CPPED1: variants seen among roughly 807,000 people sequenced by gnomAD.
CPPED1 encodes calcineurin like phosphoesterase domain containing 1.
A neutral mutation model predicts 28.0 loss-of-function variants in CPPED1; 28 were observed. The ratio of observed to expected loss-of-function variants is 1.00; its 90% CI spans 0.74 to 1.37. CPPED1 has a LOEUF of 1.37. Ranked by LOEUF, CPPED1 falls within the 40% of genes most tolerant of loss-of-function variation. The pLI is 0.00. For synonymous variants in CPPED1, 198 were observed against 180.2 expected (o/e 1.10, Z -0.79); for missense variants, 504 against 416.5 (o/e 1.21, Z -1.83).
chr16:12,801,662 T>C (rs1285122640), intron 1 of CPPED1, among the ~76,000 whole-genome samples: 1 of 152,156 alleles, frequency 6.6e-6, no homozygotes, highest in Non-Finnish European at 1.5e-5. Context: ...AGAATGTTCA[T>C]AACAGCACTG....
intron 3 of CPPED1, among the ~76,000 whole-genome samples, chr16:12,685,327 G>A (rs1452561145): frequency 1.3e-5 from 2 of 152,146 alleles, no homozygotes; most frequent in Non-Finnish European, 2.9e-5. Context: ...GTGGCCACCT[G>A]TAATCCCAGC....
chr16:12,772,759 A>G (rs1032591692), intron 2 of CPPED1, among the ~76,000 whole-genome samples: 2 of 152,210 alleles, frequency 1.3e-5, no homozygotes, highest in African/African-American at 4.8e-5. Flanking sequence ...TATAAATCCC[A>G]AAGTATCAAC....
intron 2 of CPPED1, among the ~76,000 whole-genome samples, chr16:12,721,052 A>C (rs2080137365): frequency 6.6e-6 from 1 of 152,206 alleles, no homozygotes; most frequent in Non-Finnish European, 1.5e-5. Context: ...TTAGGATTTT[A>C]ATATACTACA....
intron 3 of CPPED1, among the ~76,000 whole-genome samples, chr16:12,674,884 G>C (rs1651004): frequency 0.9 from 136,625 of 151,880 alleles, 62,326 homozygotes; most frequent in Non-Finnish European, 0.95. Flanking sequence ...GCAGAGGTCT[G>C]GGGGGGAGCA....
intron 1 of CPPED1, among the ~76,000 whole-genome samples, chr16:12,803,068 G>C (rs184437207): frequency 2.6e-5 from 4 of 152,298 alleles, no homozygotes; most frequent in Admixed American, 1.3e-4. Context: ...AAATACTTTT[G>C]ATCTGTTTAC....
chr16:12,753,353 G>A (rs1479230383), intron 2 of CPPED1: 1 of 152,172 alleles, frequency 6.6e-6, no homozygotes, highest in Non-Finnish European at 1.5e-5. Flanking sequence ...TCATTCAAGA[G>A]CTGAGCTGTG....
chr16:12,793,495 C>G (rs1470834651), intron 1 of CPPED1, among the ~76,000 whole-genome samples: 1 of 152,188 alleles, frequency 6.6e-6, no homozygotes, highest in Non-Finnish European at 1.5e-5. Context: ...CTACCCTTTA[C>G]CAGCTACGTG....
intron 2 of CPPED1, among the ~76,000 whole-genome samples, chr16:12,756,944 T>C (rs1277205185): frequency 2.0e-5 from 3 of 152,222 alleles, no homozygotes; most frequent in Non-Finnish European, 2.9e-5. Context: ...TTCCACATCT[T>C]ACTTCTAAAA....
At chr16:12,713,529 C>A (rs2080090733) in intron 2 of CPPED1, among the ~76,000 whole-genome samples, 1 of 152,078 alleles carries the variant, frequency 6.6e-6, no homozygotes, top group Non-Finnish European at 1.5e-5. Flanking sequence ...CAACACCCAG[C>A]CAATTTTTGT....
chr16:12,765,461 A>G (rs981121172), intron 2 of CPPED1, among the ~76,000 whole-genome samples: 12 of 152,262 alleles, frequency 7.9e-5, no homozygotes, highest in Non-Finnish European at 1.5e-4. Flanking sequence ...ACTGTCTGAC[A>G]TAATAGGCAG....
At chr16:12,696,659 T>A (rs1468984552) in intron 3 of CPPED1, among the ~76,000 whole-genome samples, 2 of 152,030 alleles carry the variant, frequency 1.3e-5, no homozygotes, top group East Asian at 1.9e-4. Flanking sequence ...GCCAGGCTGG[T>A]CTCGAACTCC....
Position 12,660,497 on chromosome 16 carries a change from A to ATGTGTGTGTGTGTG in CPPED1, c.*4375_*4388dup, listed in dbSNP as rs61163755. On this transcript the variant is annotated 3_prime_UTR_variant, in exon 4 of 4. Coordinates refer to ENST00000381774, the MANE Select transcript of CPPED1 (RefSeq NM_018340.3). ...GAAAAGAATCCTCCACTTTTACTAT[A>ATGTGTGTGTGTGTG]TGTGTGTGTGTGTGTGTGTGTGTGT... is the stretch of plus-strand genomic sequence containing the variant. The ATGTGTGTGTGTGTG allele has an allele frequency of 1.4e-5, 2 of 145,426 alleles. No individual in the cohort carries two copies. Among genetic ancestry groups the ATGTGTGTGTGTGTG allele is most frequent in the Admixed American group, 1.4e-4 (2 of 14,374 alleles). 9.0% of individuals were successfully genotyped at this position (145,426 alleles called of 1,614,324 possible).
In CPPED1 at chr16:12,704,812, C is replaced by T. The variant is rs1596453243; in HGVS notation, c.527G>A (p.Ser176Asn). Residue 176 changes from serine to asparagine, a missense_variant, in exon 3 of 4, where the codon AGC becomes AAC. Physicochemically the swap from Ser to Asn is conservative, Grantham distance 46. Transcript: ENST00000381774. ...CCACTGGTCCTGAGCCTGCTTCAGG[C>T]TGGGGCATTTGGAGGGGTTCTCGTA... ...QFYENPSKCP[S>N]LKQAQDQWLD... 1 of 1,614,222 alleles carries T rather than the reference C, an allele frequency of 6.2e-7. No individual in the cohort carries two copies. The highest frequency in any genetic ancestry group is 8.5e-7 in the Non-Finnish European group (1 of 1,180,046).
At chr16:12,689,035 T>C (rs777825934) in intron 3 of CPPED1, among the ~76,000 whole-genome samples, 16 of 152,236 alleles carry the variant, frequency 1.1e-4, no homozygotes, top group Non-Finnish European at 2.4e-4. Context: ...TTATTATGTA[T>C]GACAAAGAAC....
In CPPED1 at chr16:12,730,125, T is replaced by C. The variant is rs992231939; in HGVS notation, c.290-25076A>G. Among the ~76,000 whole-genome samples, 7 of 152,226 alleles carry C rather than the reference T, an allele frequency of 4.6e-5. No homozygotes were observed. In the Middle Eastern group the frequency reaches 0.01, roughly 222 times the overall value. On this transcript the variant is annotated intron_variant, in intron 2 of 3. Transcript: ENST00000381774. Reference sequence around the variant, plus strand: ...AATCCTCTTGCCTTAGCCTCCCGAGTTGCTGGGATTACACGTGTGAGCCAC... The same window carrying C: ...AATCCTCTTGCCTTAGCCTCCCGAGCTGCTGGGATTACACGTGTGAGCCAC...
intron 3 of CPPED1, among the ~76,000 whole-genome samples, chr16:12,667,678 C>T (rs752763441): frequency 1.2e-4 from 18 of 152,178 alleles, no homozygotes; most frequent in Non-Finnish European, 2.4e-4. Flanking sequence ...GGAAATGATC[C>T]AGAAGACAAT....
rs577598515 is a variant in CPPED1 at position 12,758,239 on chromosome 16, C to A, written c.289+22946G>T. Among the ~76,000 whole-genome samples the A allele has an allele frequency of 2.6e-5, 4 of 152,248 alleles. No homozygotes were observed. In the South Asian group the frequency reaches 6.2e-4, roughly 24 times the overall value. The stretch of plus-strand genomic sequence containing the variant: ...TTATAATCTTGTTTAATCCTCCAAG[C>A]AACCGAGGAATACAGATATCATCGC... On this transcript the variant is annotated intron_variant, in intron 2 of 3. Transcript: ENST00000381774.
rs1488934349 is a variant in CPPED1 at position 12,662,004 on chromosome 16, T to C, written c.*2882A>G. On this transcript the variant is annotated 3_prime_UTR_variant, in exon 4 of 4. Coordinates refer to ENST00000381774, the MANE Select transcript of CPPED1 (RefSeq NM_018340.3). ...CGTTTTCCAAGACAGGACAGTGTTA[T>C]GGAGCATGGACTCAAGCCTTGGGCC... 6.6e-6 allele frequency: 1 copy of C among 152,404 alleles called. No homozygotes were observed. Among genetic ancestry groups the C allele is most frequent in the South Asian group, 2.1e-4 (1 of 4,830 alleles). The allele number at this position is 152,404 out of a possible 1,614,324, so 9.4% of individuals were successfully genotyped here.
chr16:12,785,890 GTCCAC>G (rs1398277545), intron 1 of CPPED1, among the ~76,000 whole-genome samples: 2 of 151,442 alleles, frequency 1.3e-5, no homozygotes, highest in African/African-American at 4.9e-5. Flanking sequence ...ATAAACTGAG[GTCCAC>G]TCCTGAAGCA....
Sources: gnomAD v4.1 joint callset for allele counts (sites outside exome capture counted in the v4.1 genomes callset) on GRCh38, gnomAD v4.1.1 for gene constraint, MANE v1.5 for transcripts, NCBI Gene and HGNC (gene_info 2026-07-23, HGNC 2026-07-21) for gene names.